The following THSD7A variants were observed in gnomAD, a reference collection of about 807,000 sequenced individuals.
THSD7A encodes the protein thrombospondin type 1 domain containing 7A.
In THSD7A, 96 loss-of-function variants were observed where a neutral mutation model predicts 231.3. That is an observed-to-expected ratio of 0.41 (90% CI 0.35 to 0.49). THSD7A has a LOEUF of 0.49. Ranked by LOEUF, THSD7A falls within the 20% of genes least tolerant of loss-of-function variation. The probability of loss-of-function intolerance (pLI) is 0.05; values close to 1 mark genes in which losing one functional copy is unlikely to be tolerated. For synonymous variants in THSD7A, 940 were observed against 743.3 expected, an observed-to-expected ratio of 1.26 and a Z score of -4.30; for missense variants, 2,290 against 2,070.2, an observed-to-expected ratio of 1.11 and a Z score of -2.06.
At chr7:11,524,473 C>T (rs546008630) in intron 6 of THSD7A, among the ~76,000 whole-genome samples, 9 of 152,244 alleles carry the variant, frequency 5.9e-5, no homozygotes, top group South Asian at 2.1e-4. Flanking sequence ...TGTATTTCAA[C>T]GAACCTTTAA....
chr7:11,539,847 T>C (rs192795380), intron 6 of THSD7A, among the ~76,000 whole-genome samples: 3 of 152,332 alleles, frequency 2.0e-5, no homozygotes, highest in African/African-American at 7.2e-5. Flanking sequence ...CACTCAAAAA[T>C]ACTTTTCACA....
intron 22 of THSD7A, among the ~76,000 whole-genome samples, chr7:11,405,388 A>T (rs1254930503): frequency 2.0e-5 from 3 of 152,186 alleles, no homozygotes; most frequent in African/African-American, 7.2e-5. Context: ...TTCAAAAGAA[A>T]ATATTGTGAA....
At chr7:11,739,573 T>A (rs1526522) in intron 1 of THSD7A, among the ~76,000 whole-genome samples, 29,076 of 151,542 alleles carry the variant, frequency 0.19, 3,619 homozygotes, top group African/African-American at 0.35. Flanking sequence ...TTCTTTAAAA[T>A]TTTTTTTTAA....
intron 6 of THSD7A, among the ~76,000 whole-genome samples, chr7:11,495,593 C>T (rs758169077): frequency 6.6e-6 from 1 of 152,038 alleles, no homozygotes; most frequent in Non-Finnish European, 1.5e-5. Context: ...CTTCTAGCAT[C>T]GTATGCCAAG....
Position 11,748,422 on chromosome 7 carries a change from CTCT to C in THSD7A, c.190+83332_190+83334del, listed in dbSNP as rs1782384931. Among the ~76,000 whole-genome samples, 5 of 152,088 alleles carry C rather than the reference CTCT, an allele frequency of 3.3e-5. No homozygotes were observed. The South Asian group carries it at 8.3e-4, about 25-fold the overall frequency. On this transcript the variant is annotated intron_variant, in intron 1 of 27. Coordinates refer to ENST00000423059, the MANE Select transcript of THSD7A (RefSeq NM_015204.3). ...GATTATCAAAGTTTGTTCTTGAAAA[CTCT>C]TCTTAGGGAAAAGTATTAAAGCAGT...
chr7:11,821,322 AATTTC>A, intron 1 of THSD7A: 1 of 770,908 alleles, frequency 1.3e-6, no homozygotes, highest in Non-Finnish European at 2.3e-6. Flanking sequence ...TTTTGTTCTT[AATTTC>A]ATTTCATTTG....
chr7:11,772,003 A>C (rs940397211), intron 1 of THSD7A, among the ~76,000 whole-genome samples: 3 of 152,214 alleles, frequency 2.0e-5, no homozygotes, highest in Non-Finnish European at 4.4e-5. Flanking sequence ...GAAGTGAAGC[A>C]GGTGCCAGCA....
intron 11 of THSD7A, among the ~76,000 whole-genome samples, chr7:11,448,391 C>T (rs755159698): frequency 6.6e-6 from 1 of 152,108 alleles, no homozygotes; most frequent in African/African-American, 2.4e-5. Context: ...ATTGAGGAAG[C>T]AGATGAAACA....
intron 2 of THSD7A, among the ~76,000 whole-genome samples, chr7:11,622,143 GGTCTT>G (rs1276613088): frequency 6.6e-6 from 1 of 151,826 alleles, no homozygotes; most frequent in Non-Finnish European, 1.5e-5. Flanking sequence ...TTTTAATATT[GGTCTT>G]GTCTTAACAT....
intron 9 of THSD7A, among the ~76,000 whole-genome samples, chr7:11,466,919 C>T (rs557832988): frequency 2.0e-5 from 3 of 152,186 alleles, no homozygotes; most frequent in Admixed American, 6.6e-5. Flanking sequence ...CCTCACATGC[C>T]TGCCACTCAC....
intron 1 of THSD7A, among the ~76,000 whole-genome samples, chr7:11,713,673 A>G (rs562205121): frequency 6.6e-6 from 1 of 151,206 alleles, no homozygotes; most frequent in Non-Finnish European, 1.5e-5. Context: ...CTCAATCTTT[A>G]TTAAAGAAGC....
chr7:11,655,425 T>C (rs1456646656), intron 1 of THSD7A, among the ~76,000 whole-genome samples: 1 of 151,776 alleles, frequency 6.6e-6, no homozygotes, highest in East Asian at 1.9e-4. Context: ...CTCATATGCC[T>C]ATAAAATCTT....
intron 9 of THSD7A, among the ~76,000 whole-genome samples, chr7:11,469,393 T>C (rs1785843654): frequency 1.3e-5 from 2 of 152,138 alleles, no homozygotes; most frequent in African/African-American, 4.8e-5. Context: ...CATAAATTCC[T>C]CATGACACAT....
rs536193671 is a variant in THSD7A at position 11,593,274 on chromosome 7, A to T, written c.1251T>A (p.Asp417Glu). The T allele has an allele frequency of 1.8e-5, 29 of 1,613,868 alleles. No homozygotes were observed. The South Asian group carries it at 2.0e-4, about 11-fold the overall frequency. ...CTCACGTGGCACAGGGGACAACTCC[A>T]TCTCCTTGAGACAAACAGGGTTCTT... Reference protein sequence around the residue: ...EEKEPCLSQGDGVVPCATYGW... With the variant: ...EEKEPCLSQGEGVVPCATYGW... Residue 417 changes from aspartate (D) to glutamate (E), a missense_variant, in exon 3 of 28, where the codon GAT becomes GAA. Coordinates refer to ENST00000423059, the MANE Select transcript of THSD7A (RefSeq NM_015204.3).
chr7:11,411,147 A>G lies in THSD7A; in HGVS notation c.3798+60T>C. 1 of 1,337,974 alleles carries G rather than the reference A, an allele frequency of 7.5e-7. No homozygotes were observed. 82.9% of individuals were successfully genotyped at this position (1,337,974 alleles called of 1,614,324 possible). On this transcript the variant is annotated intron_variant, in intron 19 of 27. Transcript: ENST00000423059. This position sits in a 1 kb window ranked among gnomAD's most constrained non-coding sequence, Gnocchi z 4.1. Reference sequence around the variant, plus strand: ...TGGAGCACGGGTCACTTGGCTCAGCATGAATTGAAATTATTAGGGAAGAAT... The same window carrying G: ...TGGAGCACGGGTCACTTGGCTCAGCGTGAATTGAAATTATTAGGGAAGAAT...
At chr7:11,550,521 T>C (rs189905225) in intron 4 of THSD7A, among the ~76,000 whole-genome samples, 16 of 152,216 alleles carry the variant, frequency 1.1e-4, no homozygotes, top group African/African-American at 3.6e-4. Flanking sequence ...TCTCACAATA[T>C]CTGGTGGTTT....
At chr7:11,734,186 G>T (rs936988739) in intron 1 of THSD7A, among the ~76,000 whole-genome samples, 6 of 151,876 alleles carry the variant, frequency 4.0e-5, no homozygotes, top group Admixed American at 1.3e-4. Context: ...TATTTCTGTA[G>T]TTAAAACATT....
chr7:11,536,819 C>T (rs931800336), intron 6 of THSD7A, among the ~76,000 whole-genome samples: 2 of 151,156 alleles, frequency 1.3e-5, no homozygotes, highest in Non-Finnish European at 1.5e-5. Context: ...AGTTCTATAA[C>T]TTCTCTTTTT....
intron 6 of THSD7A, among the ~76,000 whole-genome samples, chr7:11,497,192 T>C (rs936164412): frequency 6.6e-6 from 1 of 152,094 alleles, no homozygotes; most frequent in Non-Finnish European, 1.5e-5. Context: ...TCAGATCATA[T>C]GAGAACTTAC....
Sources: gnomAD v4.1 joint callset for allele counts (sites outside exome capture counted in the v4.1 genomes callset) on GRCh38, gnomAD v4.1.1 for gene constraint, Gnocchi (gnomAD v3.1) non-coding constraint, MANE v1.5 for transcripts, NCBI Gene and HGNC (gene_info 2026-07-23, HGNC 2026-07-21) for gene names.